Variants in MDM1 observed in about 807,000 individuals in gnomAD.
MDM1 encodes the protein stabilizer of axonemal microtubules 6.
MDM1 carries 61 observed loss-of-function variants against 89.1 expected under a neutral mutation model. The ratio of observed to expected loss-of-function variants is 0.68; its 90% CI spans 0.56 to 0.85. The LOEUF is 0.85. Ranked by LOEUF, MDM1 falls within the 40% of genes least tolerant of loss-of-function variation. MDM1 has a pLI of 0.00. For synonymous variants in MDM1, 290 were observed against 294.1 expected (o/e 0.99, Z 0.14); for missense variants, 820 against 846.5 (o/e 0.97, Z 0.39).
intron 3 of MDM1, chr12:68,326,264 G>A: frequency 8.4e-7 from 1 of 1,184,212 alleles, no homozygotes; most frequent in Non-Finnish European, 1.0e-6. Context: ...ATTTCTGTTT[G>A]TCTTCTTGTA....
intron 13 of MDM1, among the ~76,000 whole-genome samples, chr12:68,300,486 A>G (rs768407842): frequency 6.6e-6 from 1 of 152,208 alleles, no homozygotes; most frequent in Non-Finnish European, 1.5e-5. Flanking sequence ...TTCCATGCAA[A>G]TGGAAACCAA....
intron 10 of MDM1, among the ~76,000 whole-genome samples, chr12:68,314,492 T>A (rs1044089538): frequency 9.9e-5 from 15 of 152,176 alleles, no homozygotes; most frequent in Non-Finnish European, 1.3e-4. Context: ...TTATCATAGG[T>A]GGAGAAGAGC....
intron 12 of MDM1, among the ~76,000 whole-genome samples, chr12:68,305,937 C>G (rs577501999): frequency 2.7e-4 from 33 of 122,684 alleles, no homozygotes; most frequent in African/African-American, 8.5e-4. Context: ...AAAAAGGGCC[C>G]AAAGCAATCC....
Position 68,295,294 on chromosome 12 carries a change from C to T in MDM1, c.2135G>A (p.Arg712Gln), listed in dbSNP as rs539072155. 36 of 1,612,722 alleles carry T rather than the reference C, an allele frequency of 2.2e-5. No homozygotes were observed. Among genetic ancestry groups the T allele is most frequent in the East Asian group, 2.2e-5 (1 of 44,778 alleles). The change falls in exon 15 of 15, where the codon CGA becomes CAA. Residue 712 changes from arginine to glutamine, a missense_variant. Arg to Gln is a conservative substitution (Grantham distance 43). Coordinates refer to ENST00000682720, the MANE Select transcript of MDM1 (RefSeq NM_001354969.2). ...SSLRAFQTLA[R>Q]AKKRKENFWG... ...GAAATTCTCCTTCCTTTTCTTAGCT[C>T]GTGCCAGAGTTTGAAAAGCCCGGAG...
At chr12:68,304,553 G>T (rs1443813346) in intron 12 of MDM1, among the ~76,000 whole-genome samples, 1 of 152,042 alleles carries the variant, frequency 6.6e-6, no homozygotes, top group East Asian at 1.9e-4. Flanking sequence ...GTATCACTTA[G>T]TACAATACAA....
chr12:68,325,771 T>G, intron 3 of MDM1, 196 bp from the exon 4 acceptor site: 16 of 1,221,580 alleles, frequency 1.3e-5, no homozygotes, highest in Non-Finnish European at 1.6e-5. Context: ...TTTTTTCAAG[T>G]GTCAAACTAT....
intron 5 of MDM1, 103 bp from the exon 6 acceptor site, chr12:68,321,731 AT>A (rs1875263577): frequency 4.3e-6 from 3 of 689,772 alleles, no homozygotes; most frequent in Non-Finnish European, 7.0e-6. Context: ...TGACATTTCT[AT>A]TTTTAGAAGC....
chr12:68,295,604 A>C (rs139299893), intron 14 of MDM1, among the ~76,000 whole-genome samples: 137 of 152,318 alleles, frequency 9.0e-4, no homozygotes, highest in African/African-American at 3.0e-3. Flanking sequence ...TTTATCGTTA[A>C]ATTTTTTTCC....
chr12:68,299,260 C>T (rs1407984022), intron 13 of MDM1, among the ~76,000 whole-genome samples: 1 of 152,070 alleles, frequency 6.6e-6, no homozygotes, highest in Non-Finnish European at 1.5e-5. Context: ...AAAGATCACA[C>T]TCACTCTCCA....
rs1475740866 is a variant in MDM1 at position 68,302,766 on chromosome 12, G to A, written c.1856C>T (p.Ala619Val). Residue 619 changes from alanine to valine, a missense_variant, in exon 13 of 15, where the codon GCT becomes GTT. By Grantham distance (64) the Ala-to-Val change is moderately conservative. Coordinates refer to ENST00000682720, the MANE Select transcript of MDM1 (RefSeq NM_001354969.2). Reference protein sequence around the residue: ...EDSEDNIHKFAEATLPVSKIP... With the variant: ...EDSEDNIHKFVEATLPVSKIP... Reference sequence around the variant, plus strand: ...TTTTGAAACTGGAAGAGTTGCCTCAGCAAATTTGTGGATATTGTCTTCAGA... The same window carrying A: ...TTTTGAAACTGGAAGAGTTGCCTCAACAAATTTGTGGATATTGTCTTCAGA... 3 of 1,613,458 alleles carry A rather than the reference G, an allele frequency of 1.9e-6. No individual in the cohort carries two copies. The highest frequency in any genetic ancestry group is 2.5e-6 in the Non-Finnish European group (3 of 1,179,976).
At chr12:68,298,950 C>T (rs1231772372) in intron 13 of MDM1, among the ~76,000 whole-genome samples, 2 of 151,866 alleles carry the variant, frequency 1.3e-5, no homozygotes, top group Non-Finnish European at 2.9e-5. Context: ...GCGAACTTGC[C>T]GACACACTGA....
chr12:68,312,384 C>T (rs1047293930), intron 12 of MDM1, among the ~76,000 whole-genome samples: 4 of 152,164 alleles, frequency 2.6e-5, no homozygotes, highest in African/African-American at 9.7e-5. Context: ...TCTTGAGTCA[C>T]CCTTGATTTT....
chr12:68,323,811 A>G (rs1164278372), intron 4 of MDM1, among the ~76,000 whole-genome samples: 2 of 152,204 alleles, frequency 1.3e-5, no homozygotes, highest in South Asian at 2.1e-4. Context: ...AAAGATGGGG[A>G]ACTCAGTCAA....
intron 3 of MDM1, chr12:68,326,208 TGA>T: frequency 1.8e-6 from 2 of 1,090,102 alleles, no homozygotes; most frequent in East Asian, 6.1e-5. Flanking sequence ...GCAAGATCTC[TGA>T]GAGACAGCCA....
chr12:68,320,025 C>G (rs1875004687), intron 7 of MDM1, among the ~76,000 whole-genome samples: 3 of 152,338 alleles, frequency 2.0e-5, no homozygotes, highest in Admixed American at 1.3e-4. Flanking sequence ...AAAACACAGT[C>G]TTCAAAACAA....
intron 10 of MDM1, among the ~76,000 whole-genome samples, chr12:68,314,222 C>A (rs1388116113): frequency 1.3e-5 from 2 of 150,852 alleles, no homozygotes; most frequent in African/African-American, 4.9e-5. Context: ...TTAAAAGCGA[C>A]TGAAATTTCC....
At position 68,314,986 on chromosome 12, in the gene MDM1, A is replaced by G; in HGVS notation, c.1491T>C (p.Asp497=). Residue 497 remains aspartate, a synonymous_variant, in exon 10 of 15, where the codon GAT becomes GAC. Coordinates refer to ENST00000682720, the MANE Select transcript of MDM1 (RefSeq NM_001354969.2). ...QAFMGEQEKL[D]VREKSKADKM... is the part of the protein sequence containing the mutation. The stretch of plus-strand genomic sequence containing the variant: ...TATCTGCCTTAGATTTCTCACGTAC[A>G]TCCAACTTCTCTTGCTCTCCCATAA... The G allele has an allele frequency of 6.2e-7, 1 of 1,614,106 alleles. No homozygotes were observed. The highest frequency in any genetic ancestry group is 8.5e-7 in the Non-Finnish European group (1 of 1,180,002).
At chr12:68,299,074 A>G (rs1871795802) in intron 13 of MDM1, among the ~76,000 whole-genome samples, 2 of 152,178 alleles carry the variant, frequency 1.3e-5, no homozygotes, top group South Asian at 4.1e-4. Flanking sequence ...AAATTAAACT[A>G]TAACAAATTA....
chr12:68,308,228 CA>C (rs1454141047), intron 12 of MDM1, among the ~76,000 whole-genome samples: 4 of 151,556 alleles, frequency 2.6e-5, no homozygotes, highest in Non-Finnish European at 5.9e-5. Context: ...CGGATTCAGG[CA>C]ATTCTCATGC....
Sources: gnomAD v4.1 joint callset for allele counts (sites outside exome capture counted in the v4.1 genomes callset) on GRCh38, gnomAD v4.1.1 for gene constraint, MANE v1.5 for transcripts, NCBI Gene and HGNC (gene_info 2026-07-23, HGNC 2026-07-21) for gene names.